The following IGF1R variants were observed in gnomAD, a reference collection of about 807,000 sequenced individuals.
The protein encoded by IGF1R is insulin like growth factor 1 receptor.
In IGF1R, 44 loss-of-function variants were observed where a neutral mutation model predicts 144.6. That is an observed-to-expected ratio of 0.30 (90% CI 0.24 to 0.39). The LOEUF is 0.39. Among genes scored for constraint, IGF1R ranks in the 10% least tolerant of loss-of-function variants. IGF1R has a pLI of 1.00. For synonymous variants in IGF1R, 795 were observed against 722.8 expected (o/e 1.10, Z -1.60); for missense variants, 1,355 against 1,833.7 (o/e 0.74, Z 4.77).
At chr15:98,726,561 T>C (rs1041131773) in intron 2 of IGF1R, among the ~76,000 whole-genome samples, 4 of 152,284 alleles carry the variant, frequency 2.6e-5, no homozygotes, top group Admixed American at 2.0e-4. Flanking sequence ...ATGACTCTTA[T>C]GAGAAAGGAA....
Position 98,649,658 on chromosome 15 carries a change from G to GGCCGACGAGTGGAGAAAGT in IGF1R, c.79_94+3dup, listed in dbSNP as rs1366062765. 6.2e-7 allele frequency: 1 copy of GGCCGACGAGTGGAGAAAGT among 1,609,858 alleles called. No individual in the cohort carries two copies. ...TTTCTCTCCGCCGCGCTCTCGCTCT[G>GGCCGACGAGTGGAGAAAGT]GCCGACGAGTGGAGAAAGTGAGTAT... On this transcript the variant is annotated frameshift_variant, in exon 1 of 21. Coordinates refer to ENST00000650285, the MANE Select transcript of IGF1R (RefSeq NM_000875.5). LOFTEE classifies it high-confidence loss of function.
At chr15:98,695,380 C>CG (rs1457887434) in intron 1 of IGF1R, among the ~76,000 whole-genome samples, 1 of 152,156 alleles carries the variant, frequency 6.6e-6, no homozygotes, top group Non-Finnish European at 1.5e-5. Flanking sequence ...TCAGCATGCA[C>CG]GATGTGTGTG....
intron 2 of IGF1R, among the ~76,000 whole-genome samples, chr15:98,742,903 G>C (rs934457708): frequency 7.2e-5 from 11 of 152,094 alleles, no homozygotes; most frequent in African/African-American, 2.7e-4. Flanking sequence ...CAGGCTTGGT[G>C]GTGGGTGCCT....
At chr15:98,768,501 G>A (rs2055493500) in intron 2 of IGF1R, among the ~76,000 whole-genome samples, 1 of 151,434 alleles carries the variant, frequency 6.6e-6, no homozygotes, top group Non-Finnish European at 1.5e-5. Context: ...TATAATTTCA[G>A]CTACTTGGGA....
At position 98,839,980 on chromosome 15, in the gene IGF1R, GT is replaced by G. The variant is rs779239978; in HGVS notation, c.641-51343del. On this transcript the variant is annotated intron_variant, in intron 2 of 20. Transcript: ENST00000650285. The stretch of plus-strand genomic sequence containing the variant: ...TGGCACAATCTAAGCTTTTTACCAT[GT>G]TATTTATCATGGGATTACTTTTTTC... Among the ~76,000 whole-genome samples the G allele has an allele frequency of 7.9e-5, 12 of 152,322 alleles. 1 individual carries two copies. The South Asian group carries it at 2.5e-3, about 32-fold the overall frequency.
intron 12 of IGF1R, among the ~76,000 whole-genome samples, 179 bp downstream of exon 12, chr15:98,924,191 GTGTGCAA>G (rs2015612139): frequency 6.6e-6 from 1 of 152,236 alleles, no homozygotes; most frequent in African/African-American, 2.4e-5. Context: ...GTACTGCATA[GTGTGCAA>G]AGAGCTAGGC....
chr15:98,809,007 TTAAAA>T (rs1300792701), intron 2 of IGF1R, among the ~76,000 whole-genome samples: 2 of 152,138 alleles, frequency 1.3e-5, no homozygotes, highest in South Asian at 2.1e-4. Context: ...TTATCAACAG[TTAAAA>T]TAAGAAGCTG....
chr15:98,879,491 T>G (rs1214736628), intron 2 of IGF1R, among the ~76,000 whole-genome samples: 3 of 152,232 alleles, frequency 2.0e-5, no homozygotes, highest in African/African-American at 7.2e-5. Flanking sequence ...CGTGTCCTGC[T>G]GACTCGGAGC....
At chr15:98,860,492 C>G (rs2012089248) in intron 2 of IGF1R, among the ~76,000 whole-genome samples, 1 of 152,176 alleles carries the variant, frequency 6.6e-6, no homozygotes, top group African/African-American at 2.4e-5. Flanking sequence ...GACTACTGCA[C>G]CAGTTTTTGT....
intron 2 of IGF1R, among the ~76,000 whole-genome samples, chr15:98,795,727 T>C (rs1018021764): frequency 3.9e-5 from 6 of 152,218 alleles, no homozygotes; most frequent in African/African-American, 7.2e-5. Flanking sequence ...GTGTTTCTTA[T>C]AGAAAATCTC....
intron 1 of IGF1R, among the ~76,000 whole-genome samples, chr15:98,690,836 G>A (rs541847384): frequency 4.6e-5 from 7 of 152,222 alleles, no homozygotes; most frequent in Non-Finnish European, 1.0e-4. Flanking sequence ...GGCAGGGTGG[G>A]GCGGTGTTGG....
chr15:98,858,197 T>C (rs2011940503), intron 2 of IGF1R, among the ~76,000 whole-genome samples: 1 of 152,334 alleles, frequency 6.6e-6, no homozygotes, highest in African/African-American at 2.4e-5. Context: ...ATTGAAAAAA[T>C]TCTAAAACAA....
At chr15:98,734,169 A>C (rs1463149653) in intron 2 of IGF1R, among the ~76,000 whole-genome samples, 2 of 152,226 alleles carry the variant, frequency 1.3e-5, no homozygotes, top group East Asian at 3.8e-4. Flanking sequence ...ATTTTCCAAC[A>C]GTGGTGTCAC....
chr15:98,892,636 A>C (rs946740425), intron 3 of IGF1R, among the ~76,000 whole-genome samples: 1 of 152,202 alleles, frequency 6.6e-6, no homozygotes, highest in Non-Finnish European at 1.5e-5. Flanking sequence ...TTTTGAAAAT[A>C]AGATGTTAGC....
intron 2 of IGF1R, among the ~76,000 whole-genome samples, chr15:98,780,310 G>A (rs1198391735): frequency 6.6e-6 from 1 of 151,800 alleles, no homozygotes; most frequent in African/African-American, 2.4e-5. Context: ...CAGTACTTTG[G>A]GAGGCTGAGG....
At chr15:98,836,942 C>A (rs868594050) in intron 2 of IGF1R, among the ~76,000 whole-genome samples, 3 of 152,310 alleles carry the variant, frequency 2.0e-5, no homozygotes, top group Middle Eastern at 3.4e-3. Context: ...AGCATCTTAC[C>A]ACTGATGATC....
chr15:98,956,937 A>G, intron 20 of IGF1R, 124 bp from the exon 21 acceptor site: 2 of 1,073,954 alleles, frequency 1.9e-6, no homozygotes, highest in Non-Finnish European at 2.8e-6. Context: ...GAGGGGCAGC[A>G]GGGCTGTGTT....
chr15:98,770,309 G>C (rs1388655715), intron 2 of IGF1R, among the ~76,000 whole-genome samples: 2 of 152,218 alleles, frequency 1.3e-5, no homozygotes, highest in Admixed American at 1.3e-4. Flanking sequence ...TGGAGGTAGA[G>C]AGTAGAGTGA....
chr15:98,807,036 C>A (rs920972549), intron 2 of IGF1R, among the ~76,000 whole-genome samples: 2 of 152,146 alleles, frequency 1.3e-5, no homozygotes, highest in Non-Finnish European at 1.5e-5. Context: ...TTTATAACGT[C>A]TGATGTGACC....
Sources: gnomAD v4.1 joint callset for allele counts (sites outside exome capture counted in the v4.1 genomes callset) on GRCh38, gnomAD v4.1.1 for gene constraint, MANE v1.5 for transcripts, NCBI Gene and HGNC (gene_info 2026-07-23, HGNC 2026-07-21) for gene names.